NRCAM: variants seen among roughly 807,000 people sequenced by gnomAD.
NRCAM encodes the protein NgCAM-related cell adhesion molecule.
Under a neutral mutation model 156.5 loss-of-function variants are expected in NRCAM, and 83 were observed. The observed-to-expected ratio is 0.53, with a 90% CI of 0.44 to 0.64. The LOEUF is 0.64. Among genes scored for constraint, NRCAM ranks in the 30% least tolerant of loss-of-function variants. NRCAM has a pLI of 0.00. For missense variants in NRCAM, 1,417 were observed against 1,597.3 expected, an observed-to-expected ratio of 0.89 and a Z score of 1.92; for synonymous variants, 538 against 563.9, an observed-to-expected ratio of 0.95 and a Z score of 0.65.
At chr7:108,257,463 T>C (rs2096727732) in intron 3 of NRCAM, among the ~76,000 whole-genome samples, 1 of 152,198 alleles carries the variant, frequency 6.6e-6, no homozygotes, top group Non-Finnish European at 1.5e-5. Flanking sequence ...CTTTCAAATA[T>C]AATACTCTAG....
intron 2 of NRCAM, among the ~76,000 whole-genome samples, chr7:108,316,301 G>C (rs970883565): frequency 6.6e-6 from 1 of 152,142 alleles, no homozygotes; most frequent in Non-Finnish European, 1.5e-5. Context: ...GGATGATGCA[G>C]CAAGAAGGCC....
At chr7:108,409,144 G>A (rs1432174493) in intron 1 of NRCAM, among the ~76,000 whole-genome samples, 1 of 152,224 alleles carries the variant, frequency 6.6e-6, no homozygotes, top group Non-Finnish European at 1.5e-5. Context: ...GCAGGAATTT[G>A]AGGTTAGGTA....
At chr7:108,168,616 C>T (rs949606459) in intron 28 of NRCAM, among the ~76,000 whole-genome samples, 5 of 152,066 alleles carry the variant, frequency 3.3e-5, no homozygotes, top group African/African-American at 9.7e-5. Context: ...AATAATGACG[C>T]ATAATATTAA....
At chr7:108,253,214 T>A (rs1002507053) in intron 3 of NRCAM, among the ~76,000 whole-genome samples, 1 of 152,258 alleles carries the variant, frequency 6.6e-6, no homozygotes, top group African/African-American at 2.4e-5. Flanking sequence ...GCCCTTGAAG[T>A]GCTCAAAGCT....
Position 108,194,164 on chromosome 7 carries a change from T to C in NRCAM, c.1638A>G (p.Thr546=), listed in dbSNP as rs199920620. The change falls in exon 17 of 33, where the codon ACA becomes ACG. Residue 546 remains threonine, a synonymous_variant. Transcript: ENST00000379028. ...NEVHLEIKDP[T]WIVKQPEYAV... ...CATATTCGGGCTGTTTAACGATCCA[T>C]GTAGGATCTGAAATGTAGAGTCATC... 7 of 1,614,040 alleles carry C rather than the reference T, an allele frequency of 4.3e-6. No individual in the cohort carries two copies. The African/African-American group carries it at 8.0e-5, about 18-fold the overall frequency.
At chr7:108,416,751 A>G (rs1802102921) in intron 1 of NRCAM, among the ~76,000 whole-genome samples, 1 of 152,252 alleles carries the variant, frequency 6.6e-6, no homozygotes, top group African/African-American at 2.4e-5. Flanking sequence ...AAGGAAACTC[A>G]GATGAAATTT....
intron 1 of NRCAM, among the ~76,000 whole-genome samples, chr7:108,447,342 T>C (rs1845593422): frequency 6.8e-6 from 1 of 147,420 alleles, no homozygotes; most frequent in South Asian, 2.2e-4. Context: ...CTTGGCTCAC[T>C]GAAACCTCTG....
chr7:108,201,173 C>T (rs1174704678), intron 13 of NRCAM, among the ~76,000 whole-genome samples: 16 of 121,128 alleles, frequency 1.3e-4, no homozygotes, highest in African/African-American at 5.2e-4. Context: ...TTTTTAAGGT[C>T]GGTAAAAAAA....
chr7:108,151,029 TC>T (rs1276171732), intron 32 of NRCAM, among the ~76,000 whole-genome samples: 2 of 152,134 alleles, frequency 1.3e-5, no homozygotes, highest in African/African-American at 4.8e-5. Context: ...TGGATGGGAA[TC>T]TGAGGAGTGT....
intron 1 of NRCAM, among the ~76,000 whole-genome samples, chr7:108,426,359 C>T (rs1259147765): frequency 3.3e-5 from 5 of 152,240 alleles, no homozygotes. Context: ...ACAGAGTGAG[C>T]ACTTGATACT....
intron 1 of NRCAM, among the ~76,000 whole-genome samples, chr7:108,455,035 G>A (rs1365512760): frequency 6.6e-6 from 1 of 152,156 alleles, no homozygotes; most frequent in Non-Finnish European, 1.5e-5. Flanking sequence ...CAGCGTACGG[G>A]GGACGAAGAT....
chr7:108,195,431 C>T (rs913930007), intron 15 of NRCAM, among the ~76,000 whole-genome samples: 1 of 138,990 alleles, frequency 7.2e-6, no homozygotes, highest in African/African-American at 2.6e-5. Flanking sequence ...TGAGATTAGC[C>T]TGGCCAACAT....
chr7:108,377,072 G>A (rs2099679040), intron 2 of NRCAM, among the ~76,000 whole-genome samples: 1 of 152,132 alleles, frequency 6.6e-6, no homozygotes, highest in Non-Finnish European at 1.5e-5. Context: ...GCTGAGGCAG[G>A]AGGATCAATT....
At chr7:108,227,501 T>C (rs770615148) in intron 8 of NRCAM, among the ~76,000 whole-genome samples, 3 of 152,214 alleles carry the variant, frequency 2.0e-5, no homozygotes, top group Non-Finnish European at 4.4e-5. Context: ...ATTTGAAATA[T>C]GCAATGCATT....
At chr7:108,429,181 AC>A (rs1223088469) in intron 1 of NRCAM, among the ~76,000 whole-genome samples, 1 of 152,110 alleles carries the variant, frequency 6.6e-6, no homozygotes, top group Non-Finnish European at 1.5e-5. Context: ...TGGATTTTAA[AC>A]TGGGTGTTTC....
intron 27 of NRCAM, 141 bp from the exon 28 acceptor site, chr7:108,175,498 C>T (rs2060139889): frequency 1.5e-6 from 1 of 684,770 alleles, no homozygotes; most frequent in African/African-American, 1.9e-5. Context: ...GTATAGGGGA[C>T]AAAGATATGT....
intron 7 of NRCAM, among the ~76,000 whole-genome samples, chr7:108,231,593 G>C (rs939817633): frequency 6.6e-6 from 1 of 152,158 alleles, no homozygotes; most frequent in Non-Finnish European, 1.5e-5. Flanking sequence ...ATGTCAATAA[G>C]TCAGAAAAGG....
chr7:108,419,972 C>G (rs1362533856), intron 1 of NRCAM, among the ~76,000 whole-genome samples: 1 of 151,654 alleles, frequency 6.6e-6, no homozygotes, highest in Non-Finnish European at 1.5e-5. Flanking sequence ...ACACAGTCAT[C>G]TTCTAGTTAT....
Position 108,384,714 on chromosome 7 carries a change from G to T in NRCAM, c.-174+14722C>A, listed in dbSNP as rs2395963. ...CTCTGATTCAGCAAGTCTAGGGTAGGACCCACAACTTTGCTTTCTAACAAG... is the reference window on the plus strand; with the variant it reads ...CTCTGATTCAGCAAGTCTAGGGTAGTACCCACAACTTTGCTTTCTAACAAG... On this transcript the variant is annotated intron_variant, in intron 2 of 32. Coordinates refer to ENST00000379028, the MANE Select transcript of NRCAM (RefSeq NM_001037132.4). Among the ~76,000 whole-genome samples, 429 of 152,284 alleles carry T rather than the reference G, an allele frequency of 2.8e-3. 3 individuals are homozygous for T. The highest frequency in any genetic ancestry group is 0.01 in the African/African-American group (417 of 41,560).
Sources: allele counts gnomAD v4.1 joint callset (sites outside exome capture counted in the v4.1 genomes callset), GRCh38; gene constraint gnomAD v4.1.1; transcripts MANE v1.5; gene names NCBI Gene and HGNC (gene_info 2026-07-23, HGNC 2026-07-21).